The following TMEM41B variants were observed in gnomAD, a reference collection of about 807,000 sequenced individuals.
TMEM41B encodes the protein protein stasimon.
TMEM41B carries 18 observed loss-of-function variants against 31.9 expected under a neutral mutation model. The ratio of observed to expected loss-of-function variants is 0.56; its 90% CI spans 0.39 to 0.84. The LOEUF (loss-of-function observed/expected upper bound fraction) is 0.84, where lower values mean the gene tolerates loss of function less well. Among genes scored for constraint, TMEM41B ranks in the 40% least tolerant of loss-of-function variants. The pLI is 0.00. For synonymous variants in TMEM41B, 144 were observed against 124.3 expected (o/e 1.16, Z -1.05); for missense variants, 322 against 348.0 (o/e 0.93, Z 0.59).
At chr11:9,311,602 G>A (rs1012210056) in intron 1 of TMEM41B, 15 of 1,035,054 alleles carry the variant, frequency 1.4e-5, no homozygotes, top group South Asian at 3.0e-5. Context: ...TTGATAGGTG[G>A]TGAGTGGGCA....
At position 9,283,480 on chromosome 11, in the gene TMEM41B, C is replaced by G. The variant is rs933988695; in HGVS notation, c.820G>C (p.Val274Leu). 2 of 1,611,668 alleles carry G rather than the reference C, an allele frequency of 1.2e-6. No individual in the cohort carries two copies. Among genetic ancestry groups the G allele is most frequent in the Non-Finnish European group, 8.5e-7 (1 of 1,179,400 alleles). Residue 274 changes from valine to leucine, a missense_variant, in exon 7 of 7, where the codon GTT (valine) becomes CTT (leucine). Around this residue, in one of 3 missense-constraint regions of TMEM41B, gnomAD observed 92 missense variants for 88.0 expected, o/e 1.05. Coordinates refer to ENST00000528080, the MANE Select transcript of TMEM41B (RefSeq NM_015012.4). ...AAGATGGCTGGCAGAATAGAAAGAA[C>G]AGCCAAGATCATCAGAATAAATATT... ...NSIFILMILA[V>L]LSILPAIFQK...
At chr11:9,294,560 T>A (rs2076423563) in intron 3 of TMEM41B, among the ~76,000 whole-genome samples, 1 of 151,914 alleles carries the variant, frequency 6.6e-6, no homozygotes, top group African/African-American at 2.4e-5. Flanking sequence ...ATTACGTCTT[T>A]CATTAACTGA....
chr11:9,292,444 CATTAGT>C (rs1215671577), intron 3 of TMEM41B, among the ~76,000 whole-genome samples: 1 of 152,090 alleles, frequency 6.6e-6, no homozygotes, highest in East Asian at 1.9e-4. Context: ...ATATACTATG[CATTAGT>C]ATTAATAATC....
chr11:9,301,369 T>TA (rs1030144516), intron 1 of TMEM41B, among the ~76,000 whole-genome samples: 1 of 151,960 alleles, frequency 6.6e-6, no homozygotes, highest in Non-Finnish European at 1.5e-5. Context: ...CACCCCAGCC[T>TA]AAAAAAAATG....
chr11:9,298,877 G>T (rs1187872023), intron 2 of TMEM41B, among the ~76,000 whole-genome samples: 2 of 152,148 alleles, frequency 1.3e-5, no homozygotes, highest in African/African-American at 4.8e-5. Flanking sequence ...ACATCAGGCT[G>T]GCCCTGGTTG....
In TMEM41B at chr11:9,295,296, C is replaced by A; in HGVS notation, c.331G>T (p.Val111Phe). 1 of 1,585,678 alleles carries A rather than the reference C, an allele frequency of 6.3e-7. No individual in the cohort carries two copies. Residue 111 changes from valine to phenylalanine, a missense_variant, in exon 3 of 7, where the codon GTT (valine) becomes TTT (phenylalanine). Val to Phe is a conservative substitution (Grantham distance 50). Around this residue, in one of 3 missense-constraint regions of TMEM41B, gnomAD observed 183 missense variants for 175.3 expected, o/e 1.04. Coordinates refer to ENST00000528080, the MANE Select transcript of TMEM41B (RefSeq NM_015012.4). The stretch of plus-strand genomic sequence containing the variant: ...GCAAAATAAGCTACAAGTACTTGAA[C>A]ATAAAAGGTGTCCTTGTATTTGGAT... ...VLSKYKDTFY[V>F]QVLVAYFATY...
intron 3 of TMEM41B, among the ~76,000 whole-genome samples, chr11:9,293,548 C>A (rs1853006993): frequency 6.6e-6 from 1 of 152,146 alleles, no homozygotes; most frequent in Admixed American, 6.6e-5. Flanking sequence ...GTTAATACCT[C>A]AACAACATAT....
rs1285835738 is a variant in TMEM41B at position 9,283,703 on chromosome 11, TG to T, written c.707-111del. 8.3e-5 allele frequency: 78 copies of T among 938,416 alleles called. No individual in the cohort carries two copies. In the African/African-American group the frequency reaches 1.1e-3, roughly 13 times the overall value. The allele number at this position is 938,416 out of a possible 1,614,324, so 58.1% of individuals were successfully genotyped here. ...TAAAACAACACAGCTATTTCCATTT[TG>T]GAAAAAAAATTAAGAATTTAAAGCT... On this transcript the variant is annotated intron_variant, in intron 6 of 6. Transcript: ENST00000528080.
At chr11:9,307,601 T>A (rs147672719) in intron 1 of TMEM41B, among the ~76,000 whole-genome samples, 2,808 of 151,140 alleles carry the variant, frequency 0.019, 82 homozygotes, top group African/African-American at 0.064. Context: ...GGCCACCACG[T>A]CCGGCTAATT....
intron 2 of TMEM41B, 61 bp from the exon 3 acceptor site, chr11:9,295,448 G>A: frequency 1.1e-6 from 1 of 924,482 alleles, no homozygotes. Flanking sequence ...TCAAAGTCAA[G>A]TTCACAACAT....
rs140346027 is a variant in TMEM41B, at chr11:9,308,645, A to T, written c.121+5676T>A. Among the ~76,000 whole-genome samples, 1,360 of 152,310 alleles carry T rather than the reference A, an allele frequency of 8.9e-3. 19 individuals are homozygous for T. The highest frequency in any genetic ancestry group is 0.031 in the African/African-American group (1,295 of 41,556). ...TAGCACAAATACAGAAAAATCACTG[A>T]GTGATCCATCACAGAAATCCATGTC... On this transcript the variant is annotated intron_variant, in intron 1 of 6. Coordinates refer to ENST00000528080, the MANE Select transcript of TMEM41B (RefSeq NM_015012.4).
At chr11:9,287,986 G>A in intron 4 of TMEM41B, 180 bp from the exon 5 acceptor site, 1 of 590,768 alleles carries the variant, frequency 1.7e-6, no homozygotes, top group African/African-American at 1.9e-5. Flanking sequence ...TACCTCAAAT[G>A]AGATCAGCTA....
intron 1 of TMEM41B, among the ~76,000 whole-genome samples, chr11:9,312,298 G>C (rs1298846500): frequency 1.3e-5 from 2 of 152,084 alleles, no homozygotes; most frequent in Admixed American, 1.3e-4. Flanking sequence ...GCAGGAAGAC[G>C]CTTGAGCCCA....
chr11:9,297,376 C>T (rs751151881), intron 2 of TMEM41B, among the ~76,000 whole-genome samples: 8 of 152,294 alleles, frequency 5.3e-5, no homozygotes, highest in East Asian at 1.9e-4. Context: ...TGAGCCACCG[C>T]GCCAGGCCGC....
At chr11:9,290,255 T>G (rs1038502029) in intron 3 of TMEM41B, among the ~76,000 whole-genome samples, 18 of 152,028 alleles carry the variant, frequency 1.2e-4, no homozygotes, top group African/African-American at 4.3e-4. Context: ...TGGGCACCTG[T>G]AGTCCCAGCT....
At chr11:9,309,154 G>C (rs181320626) in intron 1 of TMEM41B, among the ~76,000 whole-genome samples, 229 of 152,272 alleles carry the variant, frequency 1.5e-3, no homozygotes, top group African/African-American at 5.3e-3. Context: ...GGCTGAGGCG[G>C]AGAATCGCTT....
At chr11:9,307,575 T>C (rs1382250228) in intron 1 of TMEM41B, among the ~76,000 whole-genome samples, 1 of 152,026 alleles carries the variant, frequency 6.6e-6, no homozygotes, top group African/African-American at 2.4e-5. Flanking sequence ...CCCAAGTAGC[T>C]GGGATTACAG....
rs779375524 is a variant in TMEM41B at position 9,281,104 on chromosome 11, ACT to A, written c.*2318_*2319del. The A allele has an allele frequency of 3.6e-4, 55 of 152,136 alleles. No homozygotes were observed. The highest frequency in any genetic ancestry group is 7.1e-4 in the Non-Finnish European group (48 of 68,020). The allele number at this position is 152,136 out of a possible 1,614,324, so 9.4% of individuals were successfully genotyped here. ...AATCAATGGTAAGGACAGTAAATATACTCTGAGAATAGAGTAAGTACAATTTA... is the reference window on the plus strand; with the variant it reads ...AATCAATGGTAAGGACAGTAAATATACTGAGAATAGAGTAAGTACAATTTA... On this transcript the variant is annotated 3_prime_UTR_variant, in exon 7 of 7. Transcript: ENST00000528080.
At chr11:9,307,603 C>T (rs1280807848) in intron 1 of TMEM41B, among the ~76,000 whole-genome samples, 4 of 149,152 alleles carry the variant, frequency 2.7e-5, no homozygotes, top group Non-Finnish European at 4.4e-5. Context: ...CCACCACGTC[C>T]GGCTAATTTT....
Sources: gnomAD v4.1 joint callset for allele counts (sites outside exome capture counted in the v4.1 genomes callset) on GRCh38, gnomAD v4.1.1 for gene constraint, gnomAD v4.1.1 regional missense constraint, MANE v1.5 for transcripts, NCBI Gene and HGNC (gene_info 2026-07-23, HGNC 2026-07-21) for gene names.